CSRP2: variants seen among roughly 807,000 people sequenced by gnomAD.
The protein encoded by CSRP2 is cysteine and glycine rich protein 2, also known as cysteine and glycine-rich protein 2.
CSRP2 carries 18 observed loss-of-function variants against 24.6 expected under a neutral mutation model. The observed-to-expected ratio is 0.73, with a 90% CI of 0.51 to 1.09. The LOEUF (loss-of-function observed/expected upper bound fraction) is 1.09, where lower values mean the gene tolerates loss of function less well. Ranked by LOEUF, CSRP2 falls within the 50% of genes least tolerant of loss-of-function variation. The probability of loss-of-function intolerance (pLI) is 0.00; values close to 1 mark genes in which losing one functional copy is unlikely to be tolerated. For synonymous variants in CSRP2, 87 were observed against 84.3 expected (o/e 1.03, Z -0.18); for missense variants, 215 against 239.4 (o/e 0.90, Z 0.67).
intron 1 of CSRP2, among the ~76,000 whole-genome samples, chr12:76,873,945 T>C (rs1469960796): frequency 1.3e-5 from 2 of 152,184 alleles, no homozygotes; most frequent in South Asian, 2.1e-4. Flanking sequence ...CTCATATAAA[T>C]GTATTAATTC....
In CSRP2 at chr12:76,870,735, G is replaced by C. The variant is rs191837190; in HGVS notation, c.-1-4474C>G. Among the ~76,000 whole-genome samples, 72 of 151,760 alleles carry C rather than the reference G, an allele frequency of 4.7e-4. 1 individual carries two copies. The highest frequency in any genetic ancestry group is 1.5e-3 in the African/African-American group (61 of 41,398). On this transcript the variant is annotated intron_variant, in intron 1 of 5. Transcript: ENST00000311083. The stretch of plus-strand genomic sequence containing the variant: ...TAAGATGGTTAGGGAGCCAGGTGTG[G>C]TAGCTCATGCCTGTAATCCCAACAC...
chr12:76,872,658 C>G (rs1166530332), intron 1 of CSRP2, among the ~76,000 whole-genome samples: 1 of 152,218 alleles, frequency 6.6e-6, no homozygotes, highest in Non-Finnish European at 1.5e-5. Flanking sequence ...CCTGGTCAAA[C>G]CAATCCCCTA....
intron 1 of CSRP2, among the ~76,000 whole-genome samples, chr12:76,871,094 C>T (rs1592512705): frequency 6.6e-6 from 1 of 151,322 alleles, no homozygotes; most frequent in South Asian, 2.1e-4. Flanking sequence ...AGTTGATTGA[C>T]TGGTTTAAAC....
At chr12:76,872,112 G>A (rs1953805939) in intron 1 of CSRP2, among the ~76,000 whole-genome samples, 1 of 152,198 alleles carries the variant, frequency 6.6e-6, no homozygotes, top group Non-Finnish European at 1.5e-5. Context: ...CTGTTTCTCA[G>A]TCTTGTTCCT....
intron 3 of CSRP2, 34 bp from the exon 4 acceptor site, chr12:76,860,447 GTTT>G: frequency 6.2e-7 from 1 of 1,609,056 alleles, no homozygotes; most frequent in Non-Finnish European, 8.5e-7. Context: ...GTAGGCAAGA[GTTT>G]CCACAGGGCC....
intron 1 of CSRP2, among the ~76,000 whole-genome samples, chr12:76,875,668 G>A (rs1192868157): frequency 6.6e-6 from 1 of 152,132 alleles, no homozygotes; most frequent in Non-Finnish European, 1.5e-5. Context: ...TTTTAAAAAT[G>A]GGGACAATGC....
chr12:76,877,096 C>T (rs966741695), intron 1 of CSRP2, among the ~76,000 whole-genome samples: 3 of 152,204 alleles, frequency 2.0e-5, no homozygotes, highest in Admixed American at 2.0e-4. Flanking sequence ...CCATAGGGGG[C>T]TCCCTTTTGG....
intron 2 of CSRP2, chr12:76,863,553 C>T: frequency 2.1e-6 from 1 of 471,470 alleles, no homozygotes; most frequent in Non-Finnish European, 3.7e-6. Flanking sequence ...ATGGATATGA[C>T]AGTTGCTTCA....
chr12:76,875,860 C>T (rs1953847186), intron 1 of CSRP2, among the ~76,000 whole-genome samples: 3 of 152,194 alleles, frequency 2.0e-5, no homozygotes, highest in Non-Finnish European at 4.4e-5. Flanking sequence ...CCACTATTCT[C>T]ATTTTATGAG....
chr12:76,870,522 T>C (rs1953786139), intron 1 of CSRP2, among the ~76,000 whole-genome samples: 1 of 152,216 alleles, frequency 6.6e-6, no homozygotes, highest in Non-Finnish European at 1.5e-5. Flanking sequence ...CCCTTGATGG[T>C]GGGGACCACA....
intron 2 of CSRP2, among the ~76,000 whole-genome samples, chr12:76,865,234 TATTTGC>T (rs751773616): frequency 1.1e-4 from 17 of 152,236 alleles, no homozygotes; most frequent in Non-Finnish European, 2.1e-4. Flanking sequence ...ATTTCTAAAG[TATTTGC>T]ATTCTGTTTC....
intron 1 of CSRP2, among the ~76,000 whole-genome samples, chr12:76,869,529 AACACACACACACACACACACAC>A (rs57542492): frequency 6.7e-5 from 9 of 135,328 alleles, no homozygotes; most frequent in African/African-American, 8.3e-5. Context: ...TAAAACAAAC[AACACACACACACACACACACAC>A]ACACACACAC....
chr12:76,866,188 A>C lies in CSRP2; in HGVS notation c.73T>G (p.Cys25Gly). The C allele has an allele frequency of 8.1e-6, 13 of 1,614,122 alleles. No homozygotes were observed. Among genetic ancestry groups the C allele is most frequent in the Non-Finnish European group, 1.0e-5 (12 of 1,179,998 alleles). The change falls in exon 2 of 6, where the codon TGT becomes GGT. Residue 25 changes from cysteine (C) to glycine (G), a missense_variant. Coordinates refer to ENST00000311083, the MANE Select transcript of CSRP2 (RefSeq NM_001321.3). The stretch of plus-strand genomic sequence containing the variant: ...CAGCGGTGGAAGCTCCTGCCATCAC[A>C]CTGCACCTCTTCTGCGTGGTACACG... ...RTVYHAEEVQ[C>G]DGRSFHRCCF...
chr12:76,872,340 A>T (rs1953807852), intron 1 of CSRP2, among the ~76,000 whole-genome samples: 1 of 152,240 alleles, frequency 6.6e-6, no homozygotes, highest in Admixed American at 6.5e-5. Context: ...TCTCTAGATA[A>T]CTGTGGTAGG....
chr12:76,870,901 A>C lies in CSRP2; in HGVS notation c.-1-4640T>G, dbSNP rs996099689. ...AGTGGGAGGATTGCTTGTGCTGGGA[A>C]TGTCAAGGCTACAGTGAGCTATGAT... On this transcript the variant is annotated intron_variant, in intron 1 of 5. Transcript: ENST00000311083. Among the ~76,000 whole-genome samples the C allele has an allele frequency of 8.4e-5, 12 of 142,210 alleles. No homozygotes were observed. The South Asian group carries it at 2.0e-3, about 24-fold the overall frequency. The allele number at this position is 142,210 out of a possible 152,430, so 93.3% of individuals were successfully genotyped here. A position where few individuals can be genotyped will look rare whatever the true frequency, so the allele number is the denominator to read the frequency against.
chr12:76,866,263 T>G lies in CSRP2; in HGVS notation c.-1-2A>C. The stretch of plus-strand genomic sequence containing the variant: ...TTTCCACCTCCCCAGACAGGCATTC[T>G]GAAGGAATAAAGGATTCATTAGAAT... On this transcript the variant is annotated splice_acceptor_variant, in intron 1 of 5. Transcript: ENST00000311083. LOFTEE classifies it low-confidence loss of function (5UTR_SPLICE). 6.2e-7 allele frequency: 1 copy of G among 1,611,396 alleles called. No homozygotes were observed. The highest frequency in any genetic ancestry group is 8.5e-7 in the Non-Finnish European group (1 of 1,177,564).
chr12:76,860,688 A>C (rs914967443), intron 3 of CSRP2: 1 of 281,076 alleles, frequency 3.6e-6, no homozygotes, highest in Non-Finnish European at 6.7e-6. Flanking sequence ...AACAGAATTC[A>C]TTTACTCCTC....
chr12:76,874,982 G>C (rs1953839246), intron 1 of CSRP2, among the ~76,000 whole-genome samples: 1 of 152,142 alleles, frequency 6.6e-6, no homozygotes, highest in African/African-American at 2.4e-5. Flanking sequence ...TGGGTGACTT[G>C]CTGAGGTCAC....
intron 1 of CSRP2, among the ~76,000 whole-genome samples, chr12:76,871,019 A>G (rs2137833959): frequency 6.7e-6 from 1 of 149,708 alleles, no homozygotes; most frequent in African/African-American, 2.4e-5. Flanking sequence ...TGATAGTTGA[A>G]TATTCCTTAT....
Sources: allele counts gnomAD v4.1 joint callset (sites outside exome capture counted in the v4.1 genomes callset), GRCh38; gene constraint gnomAD v4.1.1; transcripts MANE v1.5; gene names NCBI Gene and HGNC (gene_info 2026-07-23, HGNC 2026-07-21).